The following MAN1A2 variants were observed in gnomAD, a reference collection of about 807,000 sequenced individuals.
The protein encoded by MAN1A2 is mannosyl-oligosaccharide 1,2-alpha-mannosidase IB.
In MAN1A2, 26 loss-of-function variants were observed where a neutral mutation model predicts 75.7. The ratio of observed to expected loss-of-function variants is 0.34; its 90% CI spans 0.25 to 0.48. The LOEUF (loss-of-function observed/expected upper bound fraction) is 0.48, where lower values mean the gene tolerates loss of function less well. Among genes scored for constraint, MAN1A2 ranks in the 20% least tolerant of loss-of-function variants. The pLI is 0.99. For synonymous variants in MAN1A2, 247 were observed against 264.6 expected (o/e 0.93, Z 0.65); for missense variants, 562 against 775.5 (o/e 0.72, Z 3.27).
At chr1:117,509,089 A>G (rs944171899) in intron 12 of MAN1A2, among the ~76,000 whole-genome samples, 2 of 151,408 alleles carry the variant, frequency 1.3e-5, no homozygotes, top group African/African-American at 2.4e-5. Flanking sequence ...CATTGAAGAA[A>G]AGATTGAGAA....
intron 9 of MAN1A2, among the ~76,000 whole-genome samples, chr1:117,495,938 A>G (rs1239365793): frequency 1.3e-5 from 2 of 151,924 alleles, no homozygotes; most frequent in Non-Finnish European, 2.9e-5. Flanking sequence ...CATTTATGAA[A>G]TTACTTAATA....
intron 7 of MAN1A2, among the ~76,000 whole-genome samples, chr1:117,462,190 G>A (rs1649844135): frequency 6.6e-6 from 1 of 151,722 alleles, no homozygotes; most frequent in African/African-American, 2.4e-5. Context: ...TTTTACAATG[G>A]GAAACAAAAA....
chr1:117,424,768 G>C (rs1270258782), intron 5 of MAN1A2, among the ~76,000 whole-genome samples: 1 of 152,152 alleles, frequency 6.6e-6, no homozygotes, highest in Non-Finnish European at 1.5e-5. Context: ...TCAGAGAGGT[G>C]CCTTTCTTCA....
chr1:117,522,817 A>C lies in MAN1A2; in HGVS notation c.1794-8A>C, dbSNP rs773850998. 1.2e-6 allele frequency: 2 copies of C among 1,607,462 alleles called. No homozygotes were observed. Among genetic ancestry groups the C allele is most frequent in the Non-Finnish European group, 1.7e-6 (2 of 1,176,782 alleles). ...ACTGAAGCTCATTTCTCCCCTTTTT[A>C]TTTTCAGATATTTGTATCTGCTGTT... On this transcript the variant is annotated splice_region_variant and splice_polypyrimidine_tract_variant and intron_variant, in intron 12 of 12. Transcript: ENST00000356554.
chr1:117,438,992 A>C (rs1004622857), intron 5 of MAN1A2, among the ~76,000 whole-genome samples: 1 of 152,246 alleles, frequency 6.6e-6, no homozygotes, highest in Non-Finnish European at 1.5e-5. Flanking sequence ...TAGGATGGTT[A>C]GGGAGTCCAT....
intron 5 of MAN1A2, among the ~76,000 whole-genome samples, chr1:117,433,790 T>G (rs1648754149): frequency 6.6e-6 from 1 of 152,196 alleles, no homozygotes. Flanking sequence ...CTTAAAAATT[T>G]TTGGAAATGA....
At position 117,388,102 on chromosome 1, in the gene MAN1A2, C is replaced by G. The variant is rs970468207; in HGVS notation, c.303-14084C>G. Among the ~76,000 whole-genome samples the G allele has an allele frequency of 3.9e-5, 6 of 151,950 alleles. No homozygotes were observed. In the East Asian group the frequency reaches 1.2e-3, roughly 29 times the overall value. On this transcript the variant is annotated intron_variant, in intron 1 of 12. Transcript: ENST00000356554. ...ATTGAATCAGTCTGAGAGATAATAT[C>G]TTAGTAACAAACCAGGTAAATCTAG...
At chr1:117,478,986 C>G (rs1023439807) in intron 8 of MAN1A2, among the ~76,000 whole-genome samples, 1 of 151,470 alleles carries the variant, frequency 6.6e-6, no homozygotes, top group African/African-American at 2.4e-5. Context: ...CATAGGTAAA[C>G]GGGTGCCATG....
chr1:117,389,582 C>G (rs1653652601), intron 1 of MAN1A2, among the ~76,000 whole-genome samples: 1 of 152,188 alleles, frequency 6.6e-6, no homozygotes, highest in Non-Finnish European at 1.5e-5. Context: ...CACTGCATTA[C>G]AGGAAGGCCA....
At chr1:117,471,316 T>A (rs1394943540) in intron 8 of MAN1A2, among the ~76,000 whole-genome samples, 1 of 151,938 alleles carries the variant, frequency 6.6e-6, no homozygotes, top group East Asian at 1.9e-4. Flanking sequence ...TGGATCATAT[T>A]TATAATATGT....
intron 5 of MAN1A2, among the ~76,000 whole-genome samples, chr1:117,436,053 G>A (rs374658514): frequency 1.3e-5 from 2 of 151,416 alleles, no homozygotes; most frequent in South Asian, 2.1e-4. Flanking sequence ...GTGAGACTCC[G>A]TTTCAAAAAA....
At chr1:117,475,825 A>ATG (rs1557966105) in intron 8 of MAN1A2, among the ~76,000 whole-genome samples, 1 of 152,152 alleles carries the variant, frequency 6.6e-6, no homozygotes, top group East Asian at 1.9e-4. Flanking sequence ...CAGTAAACAT[A>ATG]TGAGTGCATG....
At chr1:117,372,682 T>C (rs982003865) in intron 1 of MAN1A2, among the ~76,000 whole-genome samples, 2 of 152,200 alleles carry the variant, frequency 1.3e-5, no homozygotes, top group African/African-American at 4.8e-5. Flanking sequence ...CATGTTGTTA[T>C]ACGCTAATAT....
In MAN1A2 at chr1:117,368,068, A is replaced by T; in HGVS notation, c.-116A>T. 1 of 1,007,084 alleles carries T rather than the reference A, an allele frequency of 9.9e-7. No individual in the cohort carries two copies. The highest frequency in any genetic ancestry group is 1.5e-6 in the Non-Finnish European group (1 of 685,746). The allele number at this position is 1,007,084 out of a possible 1,614,324, so 62.4% of individuals were successfully genotyped here. A position where few individuals can be genotyped will look rare whatever the true frequency, so the allele number is the denominator to read the frequency against. ...TCTTAAAAAGCACAACAGTCCTTTA[A>T]GAGGAGCAAAATTGAGTTTTCCCAT... On this transcript the variant is annotated 5_prime_UTR_variant, in exon 1 of 13. It adds an upstream start codon to the 5' untranslated region. Transcript: ENST00000356554.
chr1:117,459,899 G>A (rs116623678), intron 6 of MAN1A2, among the ~76,000 whole-genome samples: 172 of 152,156 alleles, frequency 1.1e-3, no homozygotes, highest in Middle Eastern at 0.01. Context: ...ATACTGTCCC[G>A]ATCATTCACT....
chr1:117,458,507 A>ATATG lies in MAN1A2; in HGVS notation c.951-1979_951-1978insGTAT, dbSNP rs1553236617. 2.2e-3 allele frequency among the ~76,000 whole-genome samples: 249 copies of ATATG among 111,590 alleles called. 1 individual carries two copies. Among genetic ancestry groups the ATATG allele is most frequent in the Middle Eastern group, 8.3e-3 (2 of 242 alleles). 73.2% of individuals were successfully genotyped at this position (111,590 alleles called of 152,430 possible). A position where few individuals can be genotyped will look rare whatever the true frequency, so the allele number is the denominator to read the frequency against. ...GAAATATATATATATCTATATATAT[A>ATATG]TATAGATATATATATATTTTTTTTT... On this transcript the variant is annotated intron_variant, in intron 6 of 12. Coordinates refer to ENST00000356554, the MANE Select transcript of MAN1A2 (RefSeq NM_006699.5).
At chr1:117,451,504 G>T (rs1441521714) in intron 6 of MAN1A2, among the ~76,000 whole-genome samples, 1 of 152,172 alleles carries the variant, frequency 6.6e-6, no homozygotes, top group African/African-American at 2.4e-5. Context: ...TGAGATTTGG[G>T]AGGGGCCAGG....
chr1:117,476,923 C>T (rs1331275924), intron 8 of MAN1A2, among the ~76,000 whole-genome samples: 2 of 152,040 alleles, frequency 1.3e-5, no homozygotes, highest in Non-Finnish European at 2.9e-5. Flanking sequence ...TTGGGGATAG[C>T]ACTGAATCTG....
chr1:117,444,542 C>T (rs1397565783), intron 6 of MAN1A2, among the ~76,000 whole-genome samples: 2 of 151,936 alleles, frequency 1.3e-5, no homozygotes, highest in African/African-American at 4.8e-5. Context: ...GTGAGAGTCT[C>T]TAAATGTCTG....
Sources: gnomAD v4.1 joint callset for allele counts (sites outside exome capture counted in the v4.1 genomes callset) on GRCh38, gnomAD v4.1.1 for gene constraint, MANE v1.5 for transcripts, NCBI Gene and HGNC (gene_info 2026-07-23, HGNC 2026-07-21) for gene names.